Variants in EPB41 observed in about 807,000 individuals in gnomAD.
The protein encoded by EPB41 is erythrocyte membrane protein band 4.1.
In EPB41, 65 loss-of-function variants were observed where a neutral mutation model predicts 108.0. The ratio of observed to expected loss-of-function variants is 0.60; its 90% CI spans 0.49 to 0.74. The LOEUF (loss-of-function observed/expected upper bound fraction) is 0.74. EPB41 is among the 30% of genes least tolerant of loss of function. The probability of loss-of-function intolerance (pLI) is 0.00; values close to 1 mark genes in which losing one functional copy is unlikely to be tolerated. For synonymous variants in EPB41, 336 were observed against 358.9 expected (o/e 0.94, Z 0.72); for missense variants, 875 against 1,037.0 (o/e 0.84, Z 2.15).
At chr1:29,086,475 T>C (rs1210953662) in intron 16 of EPB41, among the ~76,000 whole-genome samples, 2 of 152,088 alleles carry the variant, frequency 1.3e-5, no homozygotes, top group Non-Finnish European at 2.9e-5. Flanking sequence ...GGTTTCACCA[T>C]GTTGGCCAGG....
intron 16 of EPB41, among the ~76,000 whole-genome samples, chr1:29,080,361 C>T (rs1656046151): frequency 6.6e-6 from 1 of 151,626 alleles, no homozygotes; most frequent in African/African-American, 2.4e-5. Context: ...CTTGGCCTCC[C>T]AAAGTGCTGG....
At chr1:29,055,945 A>AAAC in intron 12 of EPB41, among the ~76,000 whole-genome samples, 1 of 149,142 alleles carries the variant, frequency 6.7e-6, no homozygotes, top group African/African-American at 2.5e-5. Context: ...AAAAAAAAAA[A>AAAC]AAAAAAAAGG....
At chr1:28,927,741 G>A (rs1025660986) in intron 1 of EPB41, among the ~76,000 whole-genome samples, 2 of 151,998 alleles carry the variant, frequency 1.3e-5, no homozygotes, top group Non-Finnish European at 2.9e-5. Flanking sequence ...TATTTGGGAG[G>A]CAGTATGATG....
intron 16 of EPB41, among the ~76,000 whole-genome samples, chr1:29,088,834 G>A (rs1298502545): frequency 1.3e-5 from 2 of 152,130 alleles, no homozygotes; most frequent in Non-Finnish European, 2.9e-5. Flanking sequence ...CTGAAGCTGG[G>A]CACACTGGCA....
At chr1:29,037,555 TGAAAG>T (rs1006990908) in intron 10 of EPB41, among the ~76,000 whole-genome samples, 1 of 151,778 alleles carries the variant, frequency 6.6e-6, no homozygotes, top group Non-Finnish European at 1.5e-5. Context: ...TTACTTGTAT[TGAAAG>T]GAAAGTTGGC....
chr1:29,005,995 A>G (rs902198720), intron 4 of EPB41, among the ~76,000 whole-genome samples: 1 of 152,194 alleles, frequency 6.6e-6, no homozygotes, highest in Non-Finnish European at 1.5e-5. Flanking sequence ...GATAAAATGG[A>G]CTCTTCAAAA....
At chr1:28,982,979 T>G (rs749330203) in intron 1 of EPB41, among the ~76,000 whole-genome samples, 5 of 152,178 alleles carry the variant, frequency 3.3e-5, no homozygotes, top group Non-Finnish European at 4.4e-5. Flanking sequence ...CTTTTGGGAT[T>G]TCAACACTCA....
intron 1 of EPB41, among the ~76,000 whole-genome samples, chr1:28,905,511 C>CA: frequency 6.6e-6 from 1 of 150,594 alleles, no homozygotes; most frequent in Admixed American, 6.6e-5. Flanking sequence ...AAAAAAACAA[C>CA]AAAAAACCAG....
intron 7 of EPB41, among the ~76,000 whole-genome samples, chr1:29,029,243 T>A (rs1572722728): frequency 1.3e-5 from 2 of 152,194 alleles, no homozygotes; most frequent in African/African-American, 4.8e-5. Context: ...CTCCTTTTTT[T>A]AATCTTCAAT....
chr1:28,915,678 G>A (rs1033647344), intron 1 of EPB41, among the ~76,000 whole-genome samples: 3 of 140,122 alleles, frequency 2.1e-5, no homozygotes, highest in Admixed American at 7.1e-5. Flanking sequence ...TTTTTGGCAT[G>A]TAGTTGTTCA....
intron 1 of EPB41, among the ~76,000 whole-genome samples, chr1:28,895,916 GATAA>G (rs1406787251): frequency 6.6e-6 from 1 of 152,128 alleles, no homozygotes; most frequent in African/African-American, 2.4e-5. Context: ...GTGTTTGTCG[GATAA>G]ATAAATTCAT....
intron 16 of EPB41, chr1:29,068,751 C>G: frequency 5.7e-6 from 7 of 1,232,140 alleles, no homozygotes; most frequent in Non-Finnish European, 7.1e-6. Flanking sequence ...AACTTCTGTC[C>G]TACCCTCGGA....
At chr1:28,889,982 A>G (rs977441299) in intron 1 of EPB41, 10 of 161,628 alleles carry the variant, frequency 6.2e-5, no homozygotes. Context: ...GAATTTTCCC[A>G]GGGCCTTAGA....
chr1:29,045,258 C>T (rs1336822591), intron 11 of EPB41, among the ~76,000 whole-genome samples: 1 of 152,052 alleles, frequency 6.6e-6, no homozygotes, highest in Non-Finnish European at 1.5e-5. Flanking sequence ...GTTTGGGTTT[C>T]CTTTAATTTC....
intron 18 of EPB41, among the ~76,000 whole-genome samples, chr1:29,110,530 T>C (rs559881703): frequency 6.6e-6 from 1 of 152,332 alleles, no homozygotes; most frequent in Admixed American, 6.5e-5. Flanking sequence ...ATTATTAGAA[T>C]GTAGTTTATA....
chr1:28,939,536 C>T (rs1328154953), intron 1 of EPB41, among the ~76,000 whole-genome samples: 6 of 152,090 alleles, frequency 3.9e-5, no homozygotes, highest in South Asian at 2.1e-4. Flanking sequence ...GACCTTCTTC[C>T]GGGTTCAAGC....
intron 4 of EPB41, among the ~76,000 whole-genome samples, chr1:28,997,799 A>G (rs527859118): frequency 2.6e-5 from 4 of 152,322 alleles, no homozygotes; most frequent in African/African-American, 7.2e-5. Context: ...TGAAACGGTC[A>G]TAACGATGAA....
At chr1:29,025,302 G>A (rs1237260762) in intron 7 of EPB41, among the ~76,000 whole-genome samples, 3 of 151,964 alleles carry the variant, frequency 2.0e-5, no homozygotes, top group Admixed American at 6.6e-5. Flanking sequence ...GGAACACACC[G>A]AATAGCTCTA....
At chr1:28,962,364 A>G (rs972971431) in intron 1 of EPB41, among the ~76,000 whole-genome samples, 1 of 152,042 alleles carries the variant, frequency 6.6e-6, no homozygotes, top group African/African-American at 2.4e-5. Flanking sequence ...GCTCCCGGCC[A>G]TAATTGCTAT....
Sources: allele counts gnomAD v4.1 joint callset (sites outside exome capture counted in the v4.1 genomes callset), GRCh38; gene constraint gnomAD v4.1.1; transcripts MANE v1.5; gene names NCBI Gene and HGNC (gene_info 2026-07-23, HGNC 2026-07-21).